The following KCTD16 variants were observed in gnomAD, a reference collection of about 807,000 sequenced individuals.
The protein encoded by KCTD16 is BTB/POZ domain-containing protein KCTD16.
In KCTD16, 13 loss-of-function variants were observed where a neutral mutation model predicts 33.2. The observed-to-expected ratio is 0.39, with a 90% CI of 0.25 to 0.62. The LOEUF (loss-of-function observed/expected upper bound fraction) is 0.62, where lower values mean the gene tolerates loss of function less well. KCTD16 is among the 20% of genes least tolerant of loss of function. The probability of loss-of-function intolerance (pLI) is 0.50; values close to 1 mark genes in which losing one functional copy is unlikely to be tolerated. For synonymous variants in KCTD16, 197 were observed against 195.3 expected (o/e 1.01, Z -0.07); for missense variants, 441 against 525.1 (o/e 0.84, Z 1.57).
intron 3 of KCTD16, among the ~76,000 whole-genome samples, chr5:144,364,558 A>G (rs1751790082): frequency 6.6e-6 from 1 of 152,250 alleles, no homozygotes; most frequent in Non-Finnish European, 1.5e-5. Context: ...GTGTAACTAC[A>G]TAGTCATTAC....
chr5:144,432,848 A>G (rs564619944), intron 3 of KCTD16, among the ~76,000 whole-genome samples: 4 of 152,148 alleles, frequency 2.6e-5, no homozygotes, highest in African/African-American at 9.7e-5. Context: ...GTCTATATGT[A>G]TGCATACACA....
rs140891816 is a variant in KCTD16 at position 144,452,146 on chromosome 5, T to TTATATATATATATATATATATATA, written c.833-21495_833-21494insATATATATATATATATATATATAT. Among the ~76,000 whole-genome samples, 48 of 138,176 alleles carry TTATATATATATATATATATATATA rather than the reference T, an allele frequency of 3.5e-4. 1 individual carries two copies. Among genetic ancestry groups the TTATATATATATATATATATATATA allele is most frequent in the African/African-American group, 1.4e-3 (46 of 33,772 alleles). The allele number at this position is 138,176 out of a possible 152,430, so 90.6% of individuals were successfully genotyped here. A position where few individuals can be genotyped will look rare whatever the true frequency, so the allele number is the denominator to read the frequency against. On this transcript the variant is annotated intron_variant, in intron 3 of 3. Transcript: ENST00000512467. ...CAAAACACATTAAATATATATAATA[T>TTATATATATATATATATATATATA]TATATATATATATATATATTCCTGT...
chr5:144,437,765 A>C (rs965667965), intron 3 of KCTD16, among the ~76,000 whole-genome samples: 2 of 151,994 alleles, frequency 1.3e-5, no homozygotes, highest in Non-Finnish European at 2.9e-5. Flanking sequence ...TATTTTCTTT[A>C]CCTATAAAAT....
intron 3 of KCTD16, among the ~76,000 whole-genome samples, chr5:144,401,181 C>T (rs529786219): frequency 5.3e-5 from 8 of 152,286 alleles, no homozygotes; most frequent in East Asian, 1.9e-4. Context: ...ATTCACATTC[C>T]TGCCAAGGAT....
Position 144,478,584 on chromosome 5 carries a change from C to G in KCTD16, c.*4470C>G, listed in dbSNP as rs1754641876. On this transcript the variant is annotated 3_prime_UTR_variant, in exon 4 of 4. Transcript: ENST00000512467. ...CAACCTAACTTCAAAGAGTCTGATT[C>G]AGAAACTTGAAGCAGGGCAAAGAAA... 1 of 151,992 alleles carries G rather than the reference C, an allele frequency of 6.6e-6. No homozygotes were observed. Among genetic ancestry groups the G allele is most frequent in the Non-Finnish European group, 1.5e-5 (1 of 67,944 alleles). The allele number at this position is 151,992 out of a possible 1,614,324, so 9.4% of individuals were successfully genotyped here.
intron 2 of KCTD16, among the ~76,000 whole-genome samples, chr5:144,182,932 A>C (rs1011369091): frequency 6.6e-6 from 1 of 152,186 alleles, no homozygotes; most frequent in African/African-American, 2.4e-5. Context: ...ATATACATAC[A>C]CAGAGTATCT....
At chr5:144,308,567 G>C (rs1751672349) in intron 3 of KCTD16, among the ~76,000 whole-genome samples, 1 of 152,200 alleles carries the variant, frequency 6.6e-6, no homozygotes, top group Non-Finnish European at 1.5e-5. Context: ...CTGGAGTCTT[G>C]ATGAATCCCA....
intron 3 of KCTD16, among the ~76,000 whole-genome samples, chr5:144,271,852 G>A (rs900540381): frequency 2.6e-5 from 4 of 151,544 alleles, no homozygotes; most frequent in Non-Finnish European, 5.9e-5. Context: ...AAAATCAGTT[G>A]TATTTCTATA....
intron 3 of KCTD16, among the ~76,000 whole-genome samples, chr5:144,440,703 G>T (rs1301136886): frequency 1.3e-5 from 2 of 151,494 alleles, no homozygotes; most frequent in South Asian, 2.1e-4. Context: ...GTTTTGATTT[G>T]CATTTCTCTA....
At position 144,231,925 on chromosome 5, in the gene KCTD16, T is replaced by A. The variant is rs184640899; in HGVS notation, c.832+24379T>A. Reference sequence around the variant, plus strand: ...AGCGTGAGAACAGACTAATACACTATCATATTTCATATATCTATACTGTGT... The same window carrying A: ...AGCGTGAGAACAGACTAATACACTAACATATTTCATATATCTATACTGTGT... On this transcript the variant is annotated intron_variant, in intron 3 of 3. Transcript: ENST00000512467. Among the ~76,000 whole-genome samples, 119 of 152,296 alleles carry A rather than the reference T, an allele frequency of 7.8e-4. 1 individual carries two copies. The highest frequency in any genetic ancestry group is 2.8e-3 in the African/African-American group (117 of 41,564).
At chr5:144,362,145 C>G (rs1012131579) in intron 3 of KCTD16, among the ~76,000 whole-genome samples, 65 of 152,244 alleles carry the variant, frequency 4.3e-4, no homozygotes, top group Middle Eastern at 3.4e-3. Context: ...AGCAACTGCT[C>G]TCACGTAGGC....
intron 3 of KCTD16, among the ~76,000 whole-genome samples, chr5:144,377,492 A>G (rs1298891828): frequency 6.6e-6 from 1 of 152,192 alleles, no homozygotes; most frequent in Non-Finnish European, 1.5e-5. Context: ...ACATTATACA[A>G]TTAAAGAAAA....
At chr5:144,354,911 T>G (rs1268464300) in intron 3 of KCTD16, among the ~76,000 whole-genome samples, 1 of 152,216 alleles carries the variant, frequency 6.6e-6, no homozygotes, top group Non-Finnish European at 1.5e-5. Flanking sequence ...TAACATTTAT[T>G]TGATGGCATT....
At chr5:144,446,181 G>A (rs1454154958) in intron 3 of KCTD16, among the ~76,000 whole-genome samples, 1 of 151,798 alleles carries the variant, frequency 6.6e-6, no homozygotes, top group East Asian at 1.9e-4. Flanking sequence ...TTAGTTGGTT[G>A]ATTTTTTTAA....
At chr5:144,193,916 T>C (rs1752891711) in intron 2 of KCTD16, among the ~76,000 whole-genome samples, 1 of 152,140 alleles carries the variant, frequency 6.6e-6, no homozygotes, top group Non-Finnish European at 1.5e-5. Flanking sequence ...CTGAGAAACC[T>C]GTGATGCTCT....
At chr5:144,251,519 A>G (rs1298438830) in intron 3 of KCTD16, among the ~76,000 whole-genome samples, 1 of 152,228 alleles carries the variant, frequency 6.6e-6, no homozygotes, top group Non-Finnish European at 1.5e-5. Flanking sequence ...TAGCAGAAAC[A>G]ATAGACAACC....
intron 3 of KCTD16, among the ~76,000 whole-genome samples, chr5:144,267,736 T>C (rs1198352412): frequency 2.0e-5 from 3 of 152,154 alleles, no homozygotes; most frequent in Non-Finnish European, 4.4e-5. Flanking sequence ...TACCATTCTT[T>C]CCCTGCAAGT....
chr5:144,466,239 G>GTTT (rs35569056), intron 3 of KCTD16, among the ~76,000 whole-genome samples: 20 of 135,070 alleles, frequency 1.5e-4, no homozygotes, highest in African/African-American at 4.4e-4. Flanking sequence ...ACTAGCTAGG[G>GTTT]TTTTTTTTTT....
intron 3 of KCTD16, among the ~76,000 whole-genome samples, chr5:144,302,311 A>AAAGGAGAAAGAG (rs1320343929): frequency 2.0e-5 from 3 of 152,226 alleles, no homozygotes; most frequent in South Asian, 2.1e-4. Flanking sequence ...AAAAGAAACA[A>AAAGGAGAAAGAG]AAGGAGAAAG....
Sources: allele counts gnomAD v4.1 joint callset (sites outside exome capture counted in the v4.1 genomes callset), GRCh38; gene constraint gnomAD v4.1.1; transcripts MANE v1.5; gene names NCBI Gene and HGNC (gene_info 2026-07-23, HGNC 2026-07-21).